The following LRRC34 variants were observed in gnomAD, a reference collection of about 807,000 sequenced individuals.
LRRC34 encodes the protein leucine rich repeat containing 34.
A neutral mutation model predicts 48.5 loss-of-function variants in LRRC34; 44 were observed. The ratio of observed to expected loss-of-function variants is 0.91; its 90% confidence interval spans 0.71 to 1.17. The LOEUF (loss-of-function observed/expected upper bound fraction) is 1.17. LRRC34 is among the 50% of genes most tolerant of loss of function. LRRC34 has a pLI of 0.00. For synonymous variants in LRRC34, 192 were observed against 197.6 expected (o/e 0.97, Z 0.24); for missense variants, 502 against 563.0 (o/e 0.89, Z 1.10).
rs143192388 is a variant in LRRC34 at position 169,801,852 on chromosome 3, G to A, written c.658-1098C>T. On this transcript the variant is annotated intron_variant, in intron 6 of 10. Coordinates refer to ENST00000446859, the MANE Select transcript of LRRC34 (RefSeq NM_001172779.2). Reference sequence around the variant, plus strand: ...TTTTGAGATAGGGTCTCACTCTGTCGCCCAGGCTGGAGTGCAGTGGCACAC... The same window carrying A: ...TTTTGAGATAGGGTCTCACTCTGTCACCCAGGCTGGAGTGCAGTGGCACAC... Among the ~76,000 whole-genome samples, 284 of 152,058 alleles carry A rather than the reference G, an allele frequency of 1.9e-3. 1 individual carries two copies. The highest frequency in any genetic ancestry group is 6.2e-3 in the African/African-American group (258 of 41,472).
intron 5 of LRRC34, among the ~76,000 whole-genome samples, chr3:169,804,860 A>G (rs550913464): frequency 6.6e-6 from 1 of 152,358 alleles, no homozygotes; most frequent in South Asian, 2.1e-4. Context: ...CATTTAGTAC[A>G]TTCACAATAT....
At chr3:169,809,639 C>T (rs1779495291) in intron 1 of LRRC34, among the ~76,000 whole-genome samples, 1 of 152,304 alleles carries the variant, frequency 6.6e-6, no homozygotes, top group Middle Eastern at 3.4e-3. Context: ...CTTAGAAGTA[C>T]AGGCCACTGT....
intron 9 of LRRC34, 86 bp from the exon 10 acceptor site, chr3:169,795,697 C>A: frequency 6.7e-7 from 1 of 1,497,974 alleles, no homozygotes; most frequent in Non-Finnish European, 8.9e-7. Flanking sequence ...TAGCATTATT[C>A]TTCAGTATGT....
intron 4 of LRRC34, 21 bp from the exon 5 acceptor site, chr3:169,806,952 T>C (rs1371911302): frequency 7.1e-7 from 1 of 1,410,650 alleles, no homozygotes; most frequent in Non-Finnish European, 1.0e-6. Flanking sequence ...AAAGAAGCTA[T>C]TACACATTAT....
chr3:169,811,007 G>A (rs1464281077), intron 1 of LRRC34, among the ~76,000 whole-genome samples: 2 of 152,204 alleles, frequency 1.3e-5, no homozygotes, highest in Non-Finnish European at 2.9e-5. Context: ...GAGGTTACAA[G>A]GTTGCAGTGG....
intron 9 of LRRC34, chr3:169,795,863 T>C (rs1778967114): frequency 4.3e-6 from 5 of 1,172,296 alleles, no homozygotes; most frequent in South Asian, 3.3e-5. Flanking sequence ...ATAGCAGATA[T>C]ATTTTTCTGG....
intron 5 of LRRC34, among the ~76,000 whole-genome samples, chr3:169,806,354 G>A (rs1234991465): frequency 6.6e-6 from 1 of 152,078 alleles, no homozygotes; most frequent in Non-Finnish European, 1.5e-5. Flanking sequence ...TTTTCAAGAT[G>A]AACCTTGAAA....
At position 169,808,682 on chromosome 3, in the gene LRRC34, A is replaced by C; in HGVS notation, c.203T>G (p.Ile68Ser). The change falls in exon 2 of 11, where the codon ATT becomes AGT. Residue 68 changes from isoleucine (I) to serine (S), a missense_variant. Coordinates refer to ENST00000446859, the MANE Select transcript of LRRC34 (RefSeq NM_001172779.2). The stretch of plus-strand genomic sequence containing the variant: ...GAGTATATGCAATATAAAAGGATTA[A>C]TTTTCTGGGATTTTTCCATACACAG... ...SNLCMEKSQK[I>S]NPFILHILQE... The C allele has an allele frequency of 1.3e-6, 2 of 1,595,508 alleles. No individual in the cohort carries two copies. Among genetic ancestry groups the C allele is most frequent in the Non-Finnish European group, 1.7e-6 (2 of 1,167,434 alleles).
rs1356819229 is a variant in LRRC34 at position 169,812,169 on chromosome 3, G to T, written c.139+241C>A. On this transcript the variant is annotated intron_variant, in intron 1 of 10. Coordinates refer to ENST00000446859, the MANE Select transcript of LRRC34 (RefSeq NM_001172779.2). The surrounding 1 kb of genome is among the most constrained non-coding windows in gnomAD (Gnocchi z 4.3). Reference sequence around the variant, plus strand: ...TATCGCGCAAAGGGCGGACCCACGGGAACTCCTCTCCGTGGACTCCTCTCC... The same window carrying T: ...TATCGCGCAAAGGGCGGACCCACGGTAACTCCTCTCCGTGGACTCCTCTCC... 6.6e-6 allele frequency among the ~76,000 whole-genome samples: 1 copy of T among 150,746 alleles called. No homozygotes were observed. The highest frequency in any genetic ancestry group is 1.5e-5 in the Non-Finnish European group (1 of 67,872).
chr3:169,800,697 C>G lies in LRRC34; in HGVS notation c.715G>C (p.Ala239Pro), dbSNP rs929538441. Residue 239 changes from alanine to proline, a missense_variant, in exon 7 of 11, where the codon GCA becomes CCA. Physicochemically the swap from Ala to Pro is conservative, Grantham distance 27. Transcript: ENST00000446859. The part of the protein sequence containing the change: ...TVLTQNQAIK[A>P]INLNRPILYS... The stretch of plus-strand genomic sequence containing the variant: ...AGTATAGGTCGGTTTAGGTTTATTG[C>G]CTTAATTGCTTGGTTTTGAGTTAGT... The G allele has an allele frequency of 6.5e-7, 1 of 1,535,136 alleles. No individual in the cohort carries two copies. The highest frequency in any genetic ancestry group is 1.4e-5 in the African/African-American group (1 of 73,078).
chr3:169,799,131 T>C (rs1407577656), intron 7 of LRRC34, among the ~76,000 whole-genome samples: 1 of 152,160 alleles, frequency 6.6e-6, no homozygotes, highest in Non-Finnish European at 1.5e-5. Context: ...GTTGAACAGA[T>C]TGGATTTACG....
intron 1 of LRRC34, among the ~76,000 whole-genome samples, chr3:169,810,789 G>C (rs1175102796): frequency 1.3e-5 from 2 of 152,254 alleles, no homozygotes; most frequent in Admixed American, 6.5e-5. Context: ...TTCCGGCCGG[G>C]TGCGGTGGCT....
intron 1 of LRRC34, among the ~76,000 whole-genome samples, chr3:169,811,310 A>G (rs369295840): frequency 1.3e-4 from 20 of 152,360 alleles, no homozygotes; most frequent in African/African-American, 4.6e-4. Flanking sequence ...AAGGAATCTT[A>G]GACTACGAGC....
In LRRC34 at chr3:169,796,919, T is replaced by G; in HGVS notation, c.754-20A>C. ...CTCTTCCTAAAAGTGGATAAAATCT[T>G]ATTTCTAAAATATAATTTTGAAGTA... On this transcript the variant is annotated intron_variant, in intron 7 of 10. Coordinates refer to ENST00000446859, the MANE Select transcript of LRRC34 (RefSeq NM_001172779.2). 1 of 1,495,536 alleles carries G rather than the reference T, an allele frequency of 6.7e-7. No homozygotes were observed. Among genetic ancestry groups the G allele is most frequent in the Non-Finnish European group, 8.9e-7 (1 of 1,119,138 alleles). The allele number at this position is 1,495,536 out of a possible 1,614,324, so 92.6% of individuals were successfully genotyped here.
At position 169,807,664 on chromosome 3, in the gene LRRC34, T is replaced by C. The variant is rs1266418769; in HGVS notation, c.303A>G (p.Leu101=). ...ITLNIAGNNR[L]VPVERVTGED... is the part of the protein sequence containing the mutation. ...CACCTGTAACTCTTTCTACTGGCAC[T>C]AAGCGATTGTTACCAGCAATGTTTA... Residue 101 remains leucine (L), a synonymous_variant, in exon 3 of 11, where the codon TTA becomes TTG. Transcript: ENST00000446859. The C allele has an allele frequency of 1.9e-6, 3 of 1,591,902 alleles. No individual in the cohort carries two copies. In the South Asian group the frequency reaches 3.3e-5, roughly 18 times the overall value.
chr3:169,803,495 G>C (rs960138205), intron 6 of LRRC34, among the ~76,000 whole-genome samples: 2 of 152,202 alleles, frequency 1.3e-5, no homozygotes, highest in African/African-American at 4.8e-5. Context: ...CCAGGGGCTG[G>C]AGTGCAACTC....
chr3:169,796,573 C>G, intron 8 of LRRC34, 172 bp downstream of exon 8: 1 of 899,136 alleles, frequency 1.1e-6, no homozygotes, highest in Non-Finnish European at 1.6e-6. Context: ...ATTTATGTTA[C>G]TAAAAGATAG....
rs1779635693 is a variant in LRRC34, at chr3:169,812,575, G to C, written c.-27C>G. ...GCGACCGCGCGCGCACTTACAGTCCGCCTGCAGCTGTGAGGCGGCTACACG... is the reference window on the plus strand; with the variant it reads ...GCGACCGCGCGCGCACTTACAGTCCCCCTGCAGCTGTGAGGCGGCTACACG... On this transcript the variant is annotated 5_prime_UTR_variant, in exon 1 of 11. Transcript: ENST00000446859. The surrounding 1 kb of genome is among the most constrained non-coding windows in gnomAD (Gnocchi z 4.3). The C allele has an allele frequency of 2.1e-6, 3 of 1,453,416 alleles. No homozygotes were observed. The highest frequency in any genetic ancestry group is 2.8e-5 in the South Asian group (2 of 70,970). The allele number at this position is 1,453,416 out of a possible 1,614,324, so 90.0% of individuals were successfully genotyped here.
chr3:169,800,993 A>G (rs1488641680), intron 6 of LRRC34, among the ~76,000 whole-genome samples: 1 of 152,046 alleles, frequency 6.6e-6, no homozygotes, highest in African/African-American at 2.4e-5. Context: ...TTCAGTGTCC[A>G]TTTCCTGGGT....
Sources: gnomAD v4.1 joint callset for allele counts (sites outside exome capture counted in the v4.1 genomes callset) on GRCh38, gnomAD v4.1.1 for gene constraint, Gnocchi (gnomAD v3.1) non-coding constraint, MANE v1.5 for transcripts, NCBI Gene and HGNC (gene_info 2026-07-23, HGNC 2026-07-21) for gene names.